The following KCNN2 variants were observed in gnomAD, a reference collection of about 807,000 sequenced individuals.
KCNN2 encodes the protein small conductance calcium-activated potassium channel protein 2.
KCNN2 carries 24 observed loss-of-function variants against 55.5 expected under a neutral mutation model. That is an observed-to-expected ratio of 0.43 (90% confidence interval 0.31 to 0.61). The LOEUF is 0.61. KCNN2 is among the 20% of genes least tolerant of loss of function. KCNN2 has a pLI of 0.08. For missense variants in KCNN2, 754 were observed against 853.6 expected (o/e 0.88, Z 1.45); for synonymous variants, 431 against 336.1 (o/e 1.28, Z -3.09).
At chr5:114,446,758 G>A (rs1209196377) in intron 3 of KCNN2, among the ~76,000 whole-genome samples, 1 of 152,068 alleles carries the variant, frequency 6.6e-6, no homozygotes, top group Non-Finnish European at 1.5e-5. Flanking sequence ...ACTACACCTG[G>A]CCTTTAAATT....
chr5:114,210,346 A>G (rs182072442), intron 1 of KCNN2, among the ~76,000 whole-genome samples: 4 of 152,302 alleles, frequency 2.6e-5, no homozygotes, highest in Admixed American at 1.3e-4. Context: ...GTATGTATTG[A>G]GCTGTCAAGG....
At chr5:114,217,806 GA>G (rs1190221788) in intron 1 of KCNN2, among the ~76,000 whole-genome samples, 1 of 151,850 alleles carries the variant, frequency 6.6e-6, no homozygotes, top group Non-Finnish European at 1.5e-5. Context: ...GTCAAAAGAA[GA>G]AAAAGAGAAG....
chr5:114,493,331 C>T (rs1561419510), intron 6 of KCNN2, 72 bp from the exon 7 acceptor site: 4 of 932,432 alleles, frequency 4.3e-6, no homozygotes, highest in African/African-American at 3.2e-5. Context: ...CAATTTTGTG[C>T]ATGCTCTTTG....
At chr5:114,160,632 G>A (rs1026782320) in intron 1 of KCNN2, among the ~76,000 whole-genome samples, 4 of 152,006 alleles carry the variant, frequency 2.6e-5, no homozygotes, top group African/African-American at 9.7e-5. Context: ...TTATTGTGTG[G>A]GAGTCTAAGT....
chr5:114,171,155 A>G (rs1753024720), intron 1 of KCNN2, among the ~76,000 whole-genome samples: 1 of 151,996 alleles, frequency 6.6e-6, no homozygotes, highest in South Asian at 2.1e-4. Flanking sequence ...GTATGCATCA[A>G]TGACCATGTC....
At position 114,362,889 on chromosome 5, in the gene KCNN2, G is replaced by A. The variant is rs1220103282; in HGVS notation, c.750G>A (p.Ala250=). The A allele has an allele frequency of 1.1e-5, 17 of 1,597,262 alleles. No individual in the cohort carries two copies. Among genetic ancestry groups the A allele is most frequent in the Non-Finnish European group, 1.4e-5 (16 of 1,178,562 alleles). ...DSEAQPLQPP[A]SVGGGGGASS... is the part of the protein sequence containing the mutation. The stretch of plus-strand genomic sequence containing the variant: ...AGGCGCAGCCCCTGCAGCCCCCCGC[G>A]TCTGTCGGAGGAGGTGGCGGCGCGT... The change falls in exon 1 of 8, where the codon GCG becomes GCA. Residue 250 remains alanine (A), a synonymous_variant. Coordinates refer to ENST00000673685, the MANE Select transcript of KCNN2 (RefSeq NM_021614.4).
intron 1 of KCNN2, among the ~76,000 whole-genome samples, chr5:114,151,165 G>A (rs748168140): frequency 8.6e-5 from 13 of 151,478 alleles, no homozygotes; most frequent in Non-Finnish European, 1.3e-4. Context: ...AAACAGATCT[G>A]TTACATTTGG....
At chr5:114,113,838 C>G (rs926879870) in intron 1 of KCNN2, among the ~76,000 whole-genome samples, 2 of 152,198 alleles carry the variant, frequency 1.3e-5, no homozygotes, top group Admixed American at 1.3e-4. Context: ...GAGTCTATGG[C>G]AGTACTCATT....
chr5:114,159,481 G>C (rs1345728274), intron 1 of KCNN2, among the ~76,000 whole-genome samples: 4 of 152,042 alleles, frequency 2.6e-5, no homozygotes, highest in South Asian at 2.1e-4. Flanking sequence ...GATTGTGTCT[G>C]TGCCAGGCTT....
chr5:114,265,359 G>C lies in KCNN2; in HGVS notation c.-185+43794G>C, dbSNP rs1755189740. Among the ~76,000 whole-genome samples the C allele has an allele frequency of 3.4e-5, 3 of 88,598 alleles. No individual in the cohort carries two copies. In the South Asian group the frequency reaches 1.2e-3, roughly 36 times the overall value. 58.1% of individuals were successfully genotyped at this position (88,598 alleles called of 152,430 possible). On this transcript the variant is annotated intron_variant, in intron 2 of 10. Transcript: ENST00000512097. ...TGTGTGTGTGTGTGTGTGTGTGTGT[G>C]TGTGTGCATAAAGAGATTTATTATG...
In KCNN2 at chr5:114,199,612, A is replaced by ATT. The variant is rs34199440; in HGVS notation, c.-270-21860_-270-21859dup. 1.9e-4 allele frequency among the ~76,000 whole-genome samples: 28 copies of ATT among 150,322 alleles called. 1 individual carries two copies. The highest frequency in any genetic ancestry group is 3.4e-3 in the Middle Eastern group (1 of 294). ...GTTTTATATGAATTTTGGGTTTTAT[A>ATT]TTTTTTTTTATGTGGCTTTTATTGT... is the stretch of plus-strand genomic sequence containing the variant. On this transcript the variant is annotated intron_variant, in intron 1 of 10. Coordinates refer to the KCNN2 transcript ENST00000512097.
rs1471586789 is a variant in KCNN2 at position 114,496,121 on chromosome 5, C to G, written c.2315C>G (p.Ser772Cys). ...HVTYNAERSR[S>C]SSRRRRSSST... ...ACTTACAATGCTGAGCGGTCCCGGT[C>G]CTCGTCCAGGAGGCGGCGGTCCTCT... The change falls in exon 8 of 8, where the codon TCC (serine) becomes TGC (cysteine). Residue 772 changes from serine (S) to cysteine (C), a missense_variant. By Grantham distance (112) the Ser-to-Cys change is moderately radical (BLOSUM62 -1). Around this residue, in one of 4 missense-constraint regions of KCNN2, gnomAD observed 164 missense variants for 156.6 expected, o/e 1.05. Coordinates refer to ENST00000673685, the MANE Select transcript of KCNN2 (RefSeq NM_021614.4). 1 of 1,614,044 alleles carries G rather than the reference C, an allele frequency of 6.2e-7. No homozygotes were observed. Among genetic ancestry groups the G allele is most frequent in the Non-Finnish European group, 8.5e-7 (1 of 1,179,982 alleles).
intron 1 of KCNN2, among the ~76,000 whole-genome samples, chr5:114,148,683 C>T (rs915852939): frequency 6.6e-6 from 1 of 152,088 alleles, no homozygotes; most frequent in African/African-American, 2.4e-5. Context: ...CACATGTCCT[C>T]CTCTGGCAGA....
intron 4 of KCNN2, among the ~76,000 whole-genome samples, chr5:114,472,297 G>A (rs1367719194): frequency 6.6e-6 from 1 of 152,168 alleles, no homozygotes; most frequent in Non-Finnish European, 1.5e-5. Flanking sequence ...CACGGAGCGG[G>A]AGGACTGTAA....
chr5:114,479,109 G>C (rs549646415), intron 5 of KCNN2, among the ~76,000 whole-genome samples: 117 of 152,012 alleles, frequency 7.7e-4, no homozygotes, highest in South Asian at 1.2e-3. Flanking sequence ...ATGGCAAGCT[G>C]GATAAAGAGC....
At chr5:114,120,472 G>C (rs568978545) in intron 1 of KCNN2, among the ~76,000 whole-genome samples, 2 of 152,212 alleles carry the variant, frequency 1.3e-5, no homozygotes, top group African/African-American at 2.4e-5. Flanking sequence ...ATCACCCTTT[G>C]GAGTGTTCAA....
chr5:114,059,065 A>G (rs1285534565), intron 1 of KCNN2, among the ~76,000 whole-genome samples: 1 of 152,168 alleles, frequency 6.6e-6, no homozygotes, highest in Non-Finnish European at 1.5e-5. Flanking sequence ...CAGGCCAGCA[A>G]TAGCCTGTTG....
chr5:114,078,943 T>C (rs1363927935), intron 1 of KCNN2, among the ~76,000 whole-genome samples: 1 of 152,200 alleles, frequency 6.6e-6, no homozygotes, highest in African/African-American at 2.4e-5. Context: ...CATCATTTTT[T>C]TTGTATGTGT....
At chr5:114,406,883 G>A (rs1758952730) in intron 3 of KCNN2, among the ~76,000 whole-genome samples, 1 of 152,054 alleles carries the variant, frequency 6.6e-6, no homozygotes, top group Admixed American at 6.5e-5. Context: ...TTGAGATCTT[G>A]CAGATATGGG....
Sources: allele counts gnomAD v4.1 joint callset (sites outside exome capture counted in the v4.1 genomes callset), GRCh38; gene constraint gnomAD v4.1.1; regional missense constraint gnomAD v4.1.1; transcripts MANE v1.5; gene names NCBI Gene and HGNC (gene_info 2026-07-23, HGNC 2026-07-21).